The following TSPAN18 variants were observed in gnomAD, a reference collection of about 807,000 sequenced individuals.
The protein encoded by TSPAN18 is tetraspanin 18.
A neutral mutation model predicts 27.3 loss-of-function variants in TSPAN18; 14 were observed. The observed-to-expected ratio is 0.51, with a 90% CI of 0.34 to 0.80. The LOEUF is 0.80. Ranked by LOEUF, TSPAN18 falls within the 30% of genes least tolerant of loss-of-function variation. The pLI, the probability that TSPAN18 is intolerant of heterozygous loss-of-function variation, is 0.01. For synonymous variants in TSPAN18, 143 were observed against 136.5 expected, an observed-to-expected ratio of 1.05 and a Z score of -0.33; for missense variants, 268 against 323.9, an observed-to-expected ratio of 0.83 and a Z score of 1.32.
chr11:44,753,217 C>A (rs1855252910), intron 1 of TSPAN18, among the ~76,000 whole-genome samples: 1 of 152,142 alleles, frequency 6.6e-6, no homozygotes, highest in Non-Finnish European at 1.5e-5. Flanking sequence ...CAACCTCCGA[C>A]TCCCTGGTTC....
intron 9 of TSPAN18, 22 bp from the exon 10 acceptor site, chr11:44,929,109 T>A (rs1401868956): frequency 1.2e-6 from 2 of 1,613,000 alleles, no homozygotes; most frequent in Admixed American, 1.7e-5. Flanking sequence ...AGCCAGTTCC[T>A]GCTCTTTTTC....
chr11:44,766,715 A>G (rs970599649), intron 2 of TSPAN18, among the ~76,000 whole-genome samples: 1 of 152,264 alleles, frequency 6.6e-6, no homozygotes, highest in African/African-American at 2.4e-5. Flanking sequence ...GATAAACATT[A>G]TAGCATCACA....
intron 2 of TSPAN18, among the ~76,000 whole-genome samples, chr11:44,807,233 AAAAG>A (rs1856615721): frequency 3.2e-4 from 7 of 21,618 alleles, no homozygotes; most frequent in South Asian, 5.2e-3. Flanking sequence ...AAAAAAAAAA[AAAAG>A]AAGGAAAGAG....
chr11:44,894,994 C>T (rs1858991538), intron 3 of TSPAN18, among the ~76,000 whole-genome samples: 1 of 152,160 alleles, frequency 6.6e-6, no homozygotes, highest in African/African-American at 2.4e-5. Flanking sequence ...GTTACCCTGC[C>T]CACGCTTCAG....
At chr11:44,787,427 G>A (rs1444369326) in intron 2 of TSPAN18, among the ~76,000 whole-genome samples, 1 of 152,170 alleles carries the variant, frequency 6.6e-6, no homozygotes, top group Non-Finnish European at 1.5e-5. Context: ...AGTCATGGGT[G>A]GTGCAGAGCT....
Position 44,748,753 on chromosome 11 carries a change from C to T in TSPAN18, c.-239-15673C>T, listed in dbSNP as rs528644291. Among the ~76,000 whole-genome samples, 6 of 152,288 alleles carry T rather than the reference C, an allele frequency of 3.9e-5. No individual in the cohort carries two copies. The East Asian group carries it at 1.2e-3, about 29-fold the overall frequency. ...AGATGACTTAGGGAAACAGAGGCAGCGGTCAAGTTGCCACTGTGAATGGGG... is the reference window on the plus strand; with the variant it reads ...AGATGACTTAGGGAAACAGAGGCAGTGGTCAAGTTGCCACTGTGAATGGGG... On this transcript the variant is annotated intron_variant, in intron 1 of 9. Coordinates refer to ENST00000520358, the MANE Select transcript of TSPAN18 (RefSeq NM_130783.5).
intron 2 of TSPAN18, among the ~76,000 whole-genome samples, chr11:44,801,813 A>G (rs907042173): frequency 3.3e-5 from 5 of 152,068 alleles, no homozygotes; most frequent in Admixed American, 2.0e-4. Context: ...GGGAGGATCA[A>G]TTAAACCCAG....
intron 1 of TSPAN18, among the ~76,000 whole-genome samples, chr11:44,759,966 T>C (rs77390913): frequency 0.054 from 8,171 of 151,682 alleles, 297 homozygotes; most frequent in African/African-American, 0.097. Context: ...TGATTAGGAG[T>C]TTGCCAAGTG....
intron 2 of TSPAN18, among the ~76,000 whole-genome samples, chr11:44,857,555 C>G (rs942811497): frequency 6.6e-6 from 1 of 152,202 alleles, no homozygotes; most frequent in African/African-American, 2.4e-5. Context: ...GGAGACAGAA[C>G]CAGGGAAAAT....
chr11:44,847,936 C>T (rs1360187023), intron 2 of TSPAN18, among the ~76,000 whole-genome samples: 1 of 151,938 alleles, frequency 6.6e-6, no homozygotes, highest in East Asian at 1.9e-4. Flanking sequence ...TGGGTTCAAG[C>T]AATTTTCCTG....
intron 8 of TSPAN18, 56 bp downstream of exon 8, chr11:44,920,055 G>T: frequency 6.5e-7 from 1 of 1,548,648 alleles, no homozygotes. Flanking sequence ...TGGGTGGCCA[G>T]AGCTGGGTGG....
intron 1 of TSPAN18, among the ~76,000 whole-genome samples, chr11:44,746,071 A>G (rs930547306): frequency 7.2e-5 from 11 of 152,206 alleles, no homozygotes; most frequent in African/African-American, 2.7e-4. Context: ...TAATCAGTTG[A>G]AAAAGTGAGA....
Position 44,854,286 on chromosome 11 carries a change from A to G in TSPAN18, c.-152-6042A>G, listed in dbSNP as rs570531135. Among the ~76,000 whole-genome samples the G allele has an allele frequency of 2.6e-5, 4 of 152,016 alleles. No individual in the cohort carries two copies. The South Asian group carries it at 8.3e-4, about 32-fold the overall frequency. ...AGACCTCTCCCTCCCCCACCATACA[A>G]TGAGCACTTTGTTCCCCAGCCTCAC... On this transcript the variant is annotated intron_variant, in intron 2 of 9. Coordinates refer to ENST00000520358, the MANE Select transcript of TSPAN18 (RefSeq NM_130783.5).
intron 1 of TSPAN18, among the ~76,000 whole-genome samples, chr11:44,750,112 C>A (rs1225391393): frequency 6.6e-6 from 1 of 152,216 alleles, no homozygotes; most frequent in African/African-American, 2.4e-5. Context: ...GAAATTGAGA[C>A]CCAGAAAGGG....
At chr11:44,816,717 T>A (rs1279178774) in intron 2 of TSPAN18, among the ~76,000 whole-genome samples, 4 of 152,204 alleles carry the variant, frequency 2.6e-5, no homozygotes, top group Non-Finnish European at 5.9e-5. Context: ...CTGACTCCAG[T>A]GAGTTCTGCC....
chr11:44,910,893 C>T (rs1859684875), intron 5 of TSPAN18, among the ~76,000 whole-genome samples: 1 of 152,226 alleles, frequency 6.6e-6, no homozygotes, highest in Non-Finnish European at 1.5e-5. Flanking sequence ...TGCCTCCCAT[C>T]TAGTTCCCCA....
chr11:44,921,105 G>A (rs1321180955), intron 8 of TSPAN18, among the ~76,000 whole-genome samples: 1 of 152,166 alleles, frequency 6.6e-6, no homozygotes, highest in African/African-American at 2.4e-5. Flanking sequence ...ATGGATTCCT[G>A]AGGCCCTGAG....
intron 3 of TSPAN18, among the ~76,000 whole-genome samples, chr11:44,874,552 C>T (rs565723188): frequency 5.3e-5 from 8 of 152,206 alleles, no homozygotes; most frequent in Non-Finnish European, 1.2e-4. Context: ...GATTCATGCC[C>T]GAGTCTATCT....
At chr11:44,774,095 C>G (rs1855750748) in intron 2 of TSPAN18, among the ~76,000 whole-genome samples, 1 of 152,144 alleles carries the variant, frequency 6.6e-6, no homozygotes, top group Non-Finnish European at 1.5e-5. Context: ...AGATAAGGAT[C>G]CAGGGGTTTT....
Sources: gnomAD v4.1 joint callset for allele counts (sites outside exome capture counted in the v4.1 genomes callset) on GRCh38, gnomAD v4.1.1 for gene constraint, MANE v1.5 for transcripts, NCBI Gene and HGNC (gene_info 2026-07-23, HGNC 2026-07-21) for gene names.